BAAT: variants seen among roughly 807,000 people sequenced by gnomAD.
The protein encoded by BAAT is bile acid CoA: amino acid N-acyltransferase (glycine N-choloyltransferase).
In BAAT, 13 loss-of-function variants were observed where a neutral mutation model predicts 18.9. The observed-to-expected ratio is 0.69, with a 90% CI of 0.45 to 1.10. The LOEUF is 1.10. BAAT is among the 50% of genes least tolerant of loss of function. The probability of loss-of-function intolerance (pLI) is 0.00; values close to 1 mark genes in which losing one functional copy is unlikely to be tolerated. For missense variants in BAAT, 489 were observed against 504.0 expected, an observed-to-expected ratio of 0.97 and a Z score of 0.28; for synonymous variants, 170 against 190.7, an observed-to-expected ratio of 0.89 and a Z score of 0.89.
At chr9:101,381,339 T>C (rs1045759225) in intron 1 of BAAT, among the ~76,000 whole-genome samples, 3 of 151,754 alleles carry the variant, frequency 2.0e-5, no homozygotes, top group Admixed American at 6.6e-5. Flanking sequence ...CTGGGCAACA[T>C]AGTGAGATCC....
intron 1 of BAAT, among the ~76,000 whole-genome samples, chr9:101,384,643 T>C (rs1057220227): frequency 1.3e-5 from 2 of 152,204 alleles, no homozygotes; most frequent in Non-Finnish European, 2.9e-5. Context: ...TGCAATAACC[T>C]GGATGAATCT....
At chr9:101,365,016 G>C (rs1057111518) in intron 3 of BAAT, among the ~76,000 whole-genome samples, 3 of 152,254 alleles carry the variant, frequency 2.0e-5, no homozygotes, top group African/African-American at 4.8e-5. Flanking sequence ...CTGAACTAAG[G>C]TAACAGCAGT....
rs80317470 is a variant in BAAT at position 101,384,121 on chromosome 9, A to G, written c.-60+734T>C. ...GAGCATTTAAAAAGTGCAAACTTAA[A>G]GGAAACTTAAATTCAACTTAATTTT... On this transcript the variant is annotated intron_variant, in intron 1 of 3. Coordinates refer to ENST00000259407, the MANE Select transcript of BAAT (RefSeq NM_001701.4). Among the ~76,000 whole-genome samples, 1,193 of 152,338 alleles carry G rather than the reference A, an allele frequency of 7.8e-3. 19 individuals carry two copies. Among genetic ancestry groups the G allele is most frequent in the African/African-American group, 0.027 (1,143 of 41,574 alleles).
At position 101,362,557 on chromosome 9, in the gene BAAT, C is replaced by G; in HGVS notation, c.1128G>C (p.Thr376=). ...CCCAGTGTAACCTCAAATCGTGGGT[C>G]GTTGAGGCACAGCACAGAGGAGAAT... is the stretch of plus-strand genomic sequence containing the variant. The part of the protein sequence containing the change: ...PPYSPLCCAS[T]THDLRLHWGG... The change falls in exon 4 of 4, where the codon ACG becomes ACC. Residue 376 remains threonine, a synonymous_variant. Transcript: ENST00000259407. The G allele has an allele frequency of 6.2e-7, 1 of 1,614,068 alleles. No homozygotes were observed. The highest frequency in any genetic ancestry group is 2.2e-5 in the East Asian group (1 of 44,866).
intron 3 of BAAT, among the ~76,000 whole-genome samples, chr9:101,363,709 C>A (rs1242593173): frequency 6.6e-6 from 1 of 151,274 alleles, no homozygotes; most frequent in African/African-American, 2.4e-5. Flanking sequence ...TGTATGTAGG[C>A]TAGACTGCCA....
chr9:101,365,696 G>A (rs910310694), intron 3 of BAAT, among the ~76,000 whole-genome samples: 1 of 151,882 alleles, frequency 6.6e-6, no homozygotes, highest in Admixed American at 6.6e-5. Context: ...ACCACACCTG[G>A]CTAATTTTTG....
intron 1 of BAAT, chr9:101,376,198 C>T: frequency 5.7e-6 from 1 of 175,292 alleles, no homozygotes; most frequent in Non-Finnish European, 1.3e-5. Flanking sequence ...TCATATTTGT[C>T]CCAGAAGGTT....
chr9:101,377,153 A>G (rs1375069399), intron 1 of BAAT, among the ~76,000 whole-genome samples: 1 of 152,222 alleles, frequency 6.6e-6, no homozygotes, highest in African/African-American at 2.4e-5. Flanking sequence ...TTTGGATAGT[A>G]TTAATGAGAG....
At position 101,381,330 on chromosome 9, in the gene BAAT, T is replaced by G. The variant is rs567159867; in HGVS notation, c.-60+3525A>C. Among the ~76,000 whole-genome samples, 23 of 152,010 alleles carry G rather than the reference T, an allele frequency of 1.5e-4. No individual in the cohort carries two copies. The East Asian group carries it at 4.3e-3, about 28-fold the overall frequency. ...TGATCCCAGGAGGTTGAGACCAGCC[T>G]GGGCAACATAGTGAGATCCCATCTC... On this transcript the variant is annotated intron_variant, in intron 1 of 3. Coordinates refer to ENST00000259407, the MANE Select transcript of BAAT (RefSeq NM_001701.4).
chr9:101,367,188 C>G (rs1481236230), intron 3 of BAAT, among the ~76,000 whole-genome samples: 1 of 151,018 alleles, frequency 6.6e-6, no homozygotes, highest in Non-Finnish European at 1.5e-5. Context: ...AACTCCAACT[C>G]TATCCCATAT....
rs1049346500 is a variant in BAAT, at chr9:101,362,880, C to T, written c.805G>A (p.Val269Ile). 1.1e-5 allele frequency: 17 copies of T among 1,613,944 alleles called. No homozygotes were observed. The highest frequency in any genetic ancestry group is 1.4e-5 in the Non-Finnish European group (17 of 1,180,006). Residue 269 changes from valine to isoleucine, a missense_variant, in exon 4 of 4, where the codon GTA (valine) becomes ATA (isoleucine). By Grantham distance (29) the Val-to-Ile change is conservative. Coordinates refer to ENST00000259407, the MANE Select transcript of BAAT (RefSeq NM_001701.4). Reference sequence around the variant, plus strand: ...GGCTGATGGATCTGACCATGATATACCTGTGGAATGCCAAAAGGAAAGTTG... The same window carrying T: ...GGCTGATGGATCTGACCATGATATATCTGTGGAATGCCAAAAGGAAAGTTG... ...GTNFPFGIPQVYHGQIHQPLP... is the reference protein window; with the variant it reads ...GTNFPFGIPQIYHGQIHQPLP...
Position 101,362,622 on chromosome 9 carries a change from G to T in BAAT, c.1063C>A (p.Leu355Ile), listed in dbSNP as rs766676084. ...KRHGKNNWTL[L>I]SYPGAGHLIE... The stretch of plus-strand genomic sequence containing the variant: ...AGGTGGCCTGCCCCAGGGTAAGATA[G>T]CAGGGTCCAGTTGTTCTTCCCATGT... Residue 355 changes from leucine (L) to isoleucine (I), a missense_variant, in exon 4 of 4, where the codon CTA becomes ATA. Physicochemically the swap from Leu to Ile is conservative, Grantham distance 5 (BLOSUM62 2). Transcript: ENST00000259407. The T allele has an allele frequency of 6.2e-7, 1 of 1,614,156 alleles. No homozygotes were observed. The highest frequency in any genetic ancestry group is 8.5e-7 in the Non-Finnish European group (1 of 1,180,030).
At chr9:101,363,045 T>G (rs1309612505) in intron 3 of BAAT, 30 bp from the exon 4 acceptor site, 2 of 1,591,654 alleles carry the variant, frequency 1.3e-6, no homozygotes, top group Non-Finnish European at 1.7e-6. Context: ...TGAGAAATTA[T>G]TCTAGCCTTC....
At chr9:101,378,077 C>G (rs1449737888) in intron 1 of BAAT, among the ~76,000 whole-genome samples, 1 of 152,102 alleles carries the variant, frequency 6.6e-6, no homozygotes, top group Non-Finnish European at 1.5e-5. Context: ...AGGAGAACTA[C>G]AAACCACTGC....
chr9:101,374,826 A>G (rs80221778), intron 1 of BAAT, among the ~76,000 whole-genome samples: 5,764 of 152,122 alleles, frequency 0.038, 338 homozygotes, highest in African/African-American at 0.13. Flanking sequence ...GCATTATATC[A>G]TACCTGCTTT....
chr9:101,379,005 G>C (rs1830090316), intron 1 of BAAT, among the ~76,000 whole-genome samples: 1 of 152,314 alleles, frequency 6.6e-6, no homozygotes, highest in East Asian at 1.9e-4. Context: ...GGTCATTAGA[G>C]AAATGCAAAT....
intron 1 of BAAT, chr9:101,383,321 T>C (rs1038402627): frequency 6.6e-6 from 1 of 152,204 alleles, no homozygotes; most frequent in African/African-American, 2.4e-5. Flanking sequence ...CAGCTGAGAT[T>C]ATGAAATGAA....
At chr9:101,368,932 G>A (rs1829878798) in intron 2 of BAAT, among the ~76,000 whole-genome samples, 1 of 152,106 alleles carries the variant, frequency 6.6e-6, no homozygotes, top group South Asian at 2.1e-4. Context: ...ACTTAACACT[G>A]CTCTGCTACA....
chr9:101,382,148 A>G (rs1050250375), intron 1 of BAAT, among the ~76,000 whole-genome samples: 3 of 152,164 alleles, frequency 2.0e-5, no homozygotes, highest in African/African-American at 4.8e-5. Flanking sequence ...GGTGACTATC[A>G]GGTGATGGTC....
Sources: gnomAD v4.1 joint callset for allele counts (sites outside exome capture counted in the v4.1 genomes callset) on GRCh38, gnomAD v4.1.1 for gene constraint, MANE v1.5 for transcripts, NCBI Gene and HGNC (gene_info 2026-07-23, HGNC 2026-07-21) for gene names.